The following ABHD12 variants were observed in gnomAD, a reference collection of about 807,000 sequenced individuals.
The protein encoded by ABHD12 is lysophosphatidylserine lipase ABHD12.
ABHD12 carries 43 observed loss-of-function variants against 58.3 expected under a neutral mutation model. The observed-to-expected ratio is 0.74, with a 90% CI of 0.58 to 0.95. ABHD12 has a LOEUF of 0.95. Among genes scored for constraint, ABHD12 ranks in the 40% least tolerant of loss-of-function variants. The probability of loss-of-function intolerance (pLI) is 0.00; values close to 1 mark genes in which losing one functional copy is unlikely to be tolerated. For missense variants in ABHD12, 539 were observed against 537.2 expected, an observed-to-expected ratio of 1.00 and a Z score of -0.03; for synonymous variants, 219 against 211.2, an observed-to-expected ratio of 1.04 and a Z score of -0.32.
intron 1 of ABHD12, among the ~76,000 whole-genome samples, chr20:25,386,649 G>GCTGC (rs1254378050): frequency 6.6e-6 from 1 of 152,106 alleles, no homozygotes; most frequent in Non-Finnish European, 1.5e-5. Context: ...GGGAGGCTGA[G>GCTGC]GCAGGCAGAT....
intron 1 of ABHD12, among the ~76,000 whole-genome samples, chr20:25,388,075 T>TA (rs2090117755): frequency 5.1e-5 from 5 of 98,530 alleles, no homozygotes; most frequent in Non-Finnish European, 2.2e-5. Context: ...TCCTTCATCC[T>TA]ACAAAAAAAA....
At chr20:25,317,150 T>C in intron 4 of ABHD12, 72 bp from the exon 5 acceptor site, 3 of 1,073,290 alleles carry the variant, frequency 2.8e-6, no homozygotes, top group Non-Finnish European at 2.9e-6. Context: ...TTGTCCTCCA[T>C]ACCCCAAACC....
intron 1 of ABHD12, among the ~76,000 whole-genome samples, chr20:25,376,827 G>C (rs535863096): frequency 6.6e-6 from 1 of 152,276 alleles, no homozygotes; most frequent in Admixed American, 6.5e-5. Context: ...GAACACAGGA[G>C]CAATACTCTC....
chr20:25,368,157 GA>G, intron 1 of ABHD12: 1 of 857,294 alleles, frequency 1.2e-6, no homozygotes, highest in South Asian at 1.6e-5. Context: ...AACCCAAAGG[GA>G]ACTGCAGCAA....
At chr20:25,315,907 G>A (rs951983606) in intron 5 of ABHD12, among the ~76,000 whole-genome samples, 2 of 152,226 alleles carry the variant, frequency 1.3e-5, no homozygotes, top group African/African-American at 4.8e-5. Flanking sequence ...TCTGAGGGGA[G>A]GAGAGTGAGG....
downstream of ABHD12, among the ~76,000 whole-genome samples, chr20:25,298,517 A>T (rs2088586172): frequency 6.6e-6 from 1 of 152,198 alleles, no homozygotes; most frequent in South Asian, 2.1e-4. Flanking sequence ...AGCCTCCGAA[A>T]GTGCTGAGAT....
intron 1 of ABHD12, among the ~76,000 whole-genome samples, chr20:25,378,603 A>G (rs1321269480): frequency 1.3e-5 from 2 of 152,112 alleles, no homozygotes; most frequent in South Asian, 2.1e-4. Context: ...GACCCTGAAC[A>G]TTCTTACCTT....
chr20:25,355,920 A>G (rs890333647), intron 1 of ABHD12, among the ~76,000 whole-genome samples: 1 of 152,246 alleles, frequency 6.6e-6, no homozygotes, highest in African/African-American at 2.4e-5. Flanking sequence ...GTTGTCATTT[A>G]TATTTCAGGA....
intron 1 of ABHD12, among the ~76,000 whole-genome samples, chr20:25,359,419 G>A (rs2482935): frequency 0.051 from 2,854 of 55,532 alleles, 101 homozygotes; most frequent in African/African-American, 0.18. Flanking sequence ...GCGAGACTCC[G>A]TCTCAAAAAA....
intron 1 of ABHD12, among the ~76,000 whole-genome samples, chr20:25,367,593 T>C (rs1402480653): frequency 6.6e-6 from 1 of 152,240 alleles, no homozygotes; most frequent in Non-Finnish European, 1.5e-5. Context: ...CCCCAGCCCA[T>C]GGCAACCACC....
chr20:25,352,183 G>C (rs1442731448), intron 1 of ABHD12, among the ~76,000 whole-genome samples: 1 of 151,822 alleles, frequency 6.6e-6, no homozygotes, highest in Admixed American at 6.6e-5. Context: ...GTAGAGATGA[G>C]GTTTCACCAC....
intron 1 of ABHD12, among the ~76,000 whole-genome samples, chr20:25,346,284 G>A (rs2089517742): frequency 6.6e-6 from 1 of 152,192 alleles, no homozygotes; most frequent in African/African-American, 2.4e-5. Flanking sequence ...AAACTATGGA[G>A]ATGGCAAAAA....
chr20:25,320,948 A>T (rs536809931), intron 3 of ABHD12, among the ~76,000 whole-genome samples: 16 of 152,356 alleles, frequency 1.1e-4, no homozygotes, highest in African/African-American at 2.6e-4. Context: ...ATTTTAACTC[A>T]GGCCACATCG....
chr20:25,333,641 G>A (rs939708729), intron 2 of ABHD12, among the ~76,000 whole-genome samples: 2 of 151,940 alleles, frequency 1.3e-5, no homozygotes, highest in East Asian at 1.9e-4. Flanking sequence ...TGGGATGCAA[G>A]GTTGGTTCAA....
chr20:25,368,555 C>A, intron 1 of ABHD12: 1 of 1,412,022 alleles, frequency 7.1e-7, no homozygotes. Context: ...GCCACCAGTG[C>A]CATTATGGGT....
intron 2 of ABHD12, 28 bp from the exon 3 acceptor site, chr20:25,323,458 G>C: frequency 7.1e-7 from 1 of 1,406,914 alleles, no homozygotes; most frequent in Non-Finnish European, 1.0e-6. Context: ...ATGGAAATTA[G>C]GATTACTGGT....
intron 9 of ABHD12, 82 bp from the exon 10 acceptor site, chr20:25,306,997 C>T (rs2088756155): frequency 1.9e-6 from 2 of 1,058,576 alleles, no homozygotes; most frequent in East Asian, 5.0e-5. Flanking sequence ...AGTTTAAGTT[C>T]AGAAATCTAT....
At chr20:25,325,523 T>G (rs1281059759) in intron 2 of ABHD12, among the ~76,000 whole-genome samples, 1 of 152,116 alleles carries the variant, frequency 6.6e-6, no homozygotes, top group South Asian at 2.1e-4. Flanking sequence ...TGGGGACATT[T>G]AGACACAGAG....
In ABHD12 at chr20:25,302,341, A is replaced by G. The variant is rs756448048; in HGVS notation, c.1035T>C (p.Tyr345=). The change falls in exon 12 of 13, where the codon TAT becomes TAC. Residue 345 remains tyrosine, a synonymous_variant. Coordinates refer to ENST00000339157, the MANE Select transcript of ABHD12 (RefSeq NM_001042472.3). ...VVPFQLGRKL[Y]SIAAPARSFR... ...AGCTTCGAGCTGGTGCGGCGATGCT[A>G]TAGAGCTGGGGAGAGAGGGGTCAGA... The G allele has an allele frequency of 5.6e-6, 9 of 1,613,276 alleles. No homozygotes were observed. The South Asian group carries it at 8.8e-5, about 16-fold the overall frequency.
Sources: gnomAD v4.1 joint callset for allele counts (sites outside exome capture counted in the v4.1 genomes callset) on GRCh38, gnomAD v4.1.1 for gene constraint, MANE v1.5 for transcripts, NCBI Gene and HGNC (gene_info 2026-07-23, HGNC 2026-07-21) for gene names.